Variants in ST18 observed in about 807,000 individuals in gnomAD.
ST18 encodes ST18 C2H2C-type zinc finger transcription factor.
Under a neutral mutation model 110.0 loss-of-function variants are expected in ST18, and 50 were observed. The observed-to-expected ratio is 0.45, with a 90% CI of 0.36 to 0.58. ST18 has a LOEUF of 0.58. Among genes scored for constraint, ST18 ranks in the 20% least tolerant of loss-of-function variants. The probability of loss-of-function intolerance (pLI) is 0.00; values close to 1 mark genes in which losing one functional copy is unlikely to be tolerated. For synonymous variants in ST18, 461 were observed against 452.4 expected, an observed-to-expected ratio of 1.02 and a Z score of -0.24; for missense variants, 1,306 against 1,280.1, an observed-to-expected ratio of 1.02 and a Z score of -0.31.
chr8:52,187,902 A>G (rs2072995752), intron 8 of ST18, among the ~76,000 whole-genome samples: 1 of 152,230 alleles, frequency 6.6e-6, no homozygotes, highest in Non-Finnish European at 1.5e-5. Context: ...AATTAATGCA[A>G]TTGATCTTTA....
chr8:52,383,516 T>G (rs1835390120), intron 2 of ST18, among the ~76,000 whole-genome samples: 1 of 148,398 alleles, frequency 6.7e-6, no homozygotes, highest in South Asian at 2.2e-4. Context: ...TGGCGTGATC[T>G]CAACTCACTG....
intron 16 of ST18, among the ~76,000 whole-genome samples, chr8:52,145,622 A>T (rs534418652): frequency 6.6e-6 from 1 of 152,322 alleles, no homozygotes; most frequent in East Asian, 1.9e-4. Flanking sequence ...TCCAAAATTT[A>T]AAGTATAATT....
intron 2 of ST18, among the ~76,000 whole-genome samples, chr8:52,271,406 C>T (rs994869428): frequency 1.2e-4 from 19 of 152,146 alleles, no homozygotes; most frequent in Non-Finnish European, 2.1e-4. Context: ...CTCACCAAGG[C>T]ATTATTCCTT....
At chr8:52,134,069 T>C (rs2050962821) in intron 19 of ST18, among the ~76,000 whole-genome samples, 1 of 152,198 alleles carries the variant, frequency 6.6e-6, no homozygotes, top group African/African-American at 2.4e-5. Flanking sequence ...TTCTCTGATA[T>C]GCTGTGCGAC....
chr8:52,116,562 C>T, intron 24 of ST18, 144 bp from the exon 25 acceptor site: 2 of 786,812 alleles, frequency 2.5e-6, no homozygotes, highest in South Asian at 2.1e-5. Context: ...CATGAAGCTG[C>T]AGCCCCACTG....
Position 52,161,577 on chromosome 8 carries a change from G to T in ST18, c.1401-9C>A, listed in dbSNP as rs1410568827. 6.2e-7 allele frequency: 1 copy of T among 1,613,844 alleles called. No individual in the cohort carries two copies. The stretch of plus-strand genomic sequence containing the variant: ...GCTTCACCAAACTTGTCCTGGAGAG[G>T]GGGGTGAAGCAGTTCAAAAGAAATA... On this transcript the variant is annotated splice_polypyrimidine_tract_variant and intron_variant, in intron 13 of 25. Coordinates refer to ENST00000689386, the MANE Select transcript of ST18 (RefSeq NM_001352837.2).
chr8:52,355,185 A>G (rs949876281), intron 2 of ST18, among the ~76,000 whole-genome samples: 3 of 152,160 alleles, frequency 2.0e-5, no homozygotes, highest in Admixed American at 6.5e-5. Flanking sequence ...TTATCTGCCA[A>G]TGACCACCCT....
chr8:52,300,881 T>C (rs968292156), intron 2 of ST18, among the ~76,000 whole-genome samples: 13 of 152,106 alleles, frequency 8.5e-5, no homozygotes, highest in Admixed American at 6.5e-4. Context: ...ACTGTCAGAA[T>C]GAGATGTGAG....
intron 8 of ST18, among the ~76,000 whole-genome samples, chr8:52,181,025 T>C (rs2069278377): frequency 6.6e-6 from 1 of 152,232 alleles, no homozygotes; most frequent in Admixed American, 6.5e-5. Context: ...TTTGGAAATG[T>C]TCCTGAGGGT....
At chr8:52,392,171 A>G (rs999774929) in intron 2 of ST18, among the ~76,000 whole-genome samples, 2 of 152,192 alleles carry the variant, frequency 1.3e-5, no homozygotes, top group African/African-American at 4.8e-5. Flanking sequence ...TATCTACATG[A>G]GAGGATTTAT....
At chr8:52,197,112 T>C (rs2076422136) in intron 8 of ST18, among the ~76,000 whole-genome samples, 1 of 152,194 alleles carries the variant, frequency 6.6e-6, no homozygotes, top group South Asian at 2.1e-4. Flanking sequence ...CTACTTCGGC[T>C]CTCAGTGTTG....
chr8:52,157,336 T>C (rs1261127979), intron 15 of ST18, among the ~76,000 whole-genome samples: 2 of 152,090 alleles, frequency 1.3e-5, no homozygotes, highest in Non-Finnish European at 2.9e-5. Flanking sequence ...CAGCATTCAT[T>C]CTAGAACCAC....
intron 2 of ST18, among the ~76,000 whole-genome samples, chr8:52,284,186 T>G (rs1336956055): frequency 1.3e-5 from 2 of 152,184 alleles, no homozygotes; most frequent in African/African-American, 4.8e-5. Context: ...ATTCTGGGTT[T>G]TAGGCCCTGC....
chr8:52,176,514 A>T (rs1173405976), intron 9 of ST18, among the ~76,000 whole-genome samples: 1 of 152,220 alleles, frequency 6.6e-6, no homozygotes, highest in East Asian at 1.9e-4. Context: ...CAGTGAGCAG[A>T]CTGTTCGCTG....
At chr8:52,184,115 T>G (rs2071012989) in intron 8 of ST18, among the ~76,000 whole-genome samples, 1 of 152,356 alleles carries the variant, frequency 6.6e-6, no homozygotes, top group East Asian at 1.9e-4. Flanking sequence ...TGCCACAAAA[T>G]GCTAACATAT....
intron 8 of ST18, 146 bp from the exon 9 acceptor site, chr8:52,180,458 C>T: frequency 1.3e-6 from 1 of 768,866 alleles, no homozygotes; most frequent in Non-Finnish European, 2.1e-6. Context: ...AAAAACATCC[C>T]ATCTGTGGAC....
intron 2 of ST18, among the ~76,000 whole-genome samples, chr8:52,303,753 G>A (rs553423090): frequency 6.6e-4 from 100 of 152,304 alleles, no homozygotes; most frequent in Non-Finnish European, 9.1e-4. Context: ...CATCAAAGTC[G>A]TGCAAGCTAA....
chr8:52,224,320 C>G (rs1008610945), intron 3 of ST18, among the ~76,000 whole-genome samples: 3 of 152,116 alleles, frequency 2.0e-5, no homozygotes, highest in Non-Finnish European at 2.9e-5. Flanking sequence ...TTCAACATAG[C>G]AAGAGATTAT....
At chr8:52,400,004 G>A (rs1842389264) in intron 2 of ST18, among the ~76,000 whole-genome samples, 1 of 151,894 alleles carries the variant, frequency 6.6e-6, no homozygotes, top group South Asian at 2.1e-4. Flanking sequence ...ATGAAAGGGG[G>A]GTGTTGAAGT....
Sources: allele counts gnomAD v4.1 joint callset (sites outside exome capture counted in the v4.1 genomes callset), GRCh38; gene constraint gnomAD v4.1.1; transcripts MANE v1.5; gene names NCBI Gene and HGNC (gene_info 2026-07-23, HGNC 2026-07-21).